Variants in PCDHA1 observed in about 807,000 individuals in gnomAD.
The protein encoded by PCDHA1 is protocadherin alpha 1.
PCDHA1 carries 42 observed loss-of-function variants against 61.3 expected under a neutral mutation model. The ratio of observed to expected loss-of-function variants is 0.69; its 90% CI spans 0.54 to 0.89. PCDHA1 has a LOEUF of 0.89. Among genes scored for constraint, PCDHA1 ranks in the 40% least tolerant of loss-of-function variants. PCDHA1 has a pLI of 0.00. For synonymous variants in PCDHA1, 610 were observed against 553.8 expected, an observed-to-expected ratio of 1.10 and a Z score of -1.43; for missense variants, 1,256 against 1,235.3, an observed-to-expected ratio of 1.02 and a Z score of -0.25.
At chr5:140,870,992 T>C (rs782714479) in intron 1 of PCDHA1, 1 of 1,613,478 alleles carries the variant, frequency 6.2e-7, no homozygotes, top group South Asian at 1.1e-5. Context: ...ACGGGCGAGA[T>C]AAGCACAACG....
intron 1 of PCDHA1, among the ~76,000 whole-genome samples, chr5:140,792,534 A>G (rs782171647): frequency 1.3e-5 from 2 of 152,170 alleles, no homozygotes; most frequent in Non-Finnish European, 2.9e-5. Context: ...ATGTACTTGC[A>G]TATCTGGCAA....
chr5:140,877,743 G>C, intron 1 of PCDHA1: 1 of 1,614,148 alleles, frequency 6.2e-7, no homozygotes, highest in Non-Finnish European at 8.5e-7. Flanking sequence ...GGAGGCAGAG[G>C]GTGTGCTCTG....
chr5:140,829,246 G>T (rs2150164613), intron 1 of PCDHA1: 1 of 1,614,268 alleles, frequency 6.2e-7, no homozygotes, highest in Admixed American at 1.7e-5. Flanking sequence ...ACGGGCAGGT[G>T]AACTGCTCGC....
At chr5:140,863,193 G>A (rs1271562908) in intron 1 of PCDHA1, 15 of 840,280 alleles carry the variant, frequency 1.8e-5, no homozygotes, top group Non-Finnish European at 2.3e-5. Context: ...CCGTGGTGGC[G>A]TCGCTGGCGG....
chr5:140,950,959 T>C (rs969091651), intron 1 of PCDHA1, among the ~76,000 whole-genome samples: 5 of 152,120 alleles, frequency 3.3e-5, no homozygotes, highest in Non-Finnish European at 5.9e-5. Context: ...TCTATTGATC[T>C]ATTTTCAGAT....
At chr5:140,800,975 C>T (rs1273258497) in intron 1 of PCDHA1, 4 of 1,271,942 alleles carry the variant, frequency 3.1e-6, no homozygotes, top group Admixed American at 3.5e-5. Flanking sequence ...GATACGTTTA[C>T]ATATTTAATA....
intron 1 of PCDHA1, chr5:140,828,540 C>G: frequency 6.2e-7 from 1 of 1,614,252 alleles, no homozygotes; most frequent in Non-Finnish European, 8.5e-7. Flanking sequence ...CTGCCAGATT[C>G]TGTGTTTCCA....
intron 1 of PCDHA1, chr5:140,834,744 G>A (rs1554134479): frequency 2.5e-6 from 4 of 1,614,214 alleles, no homozygotes; most frequent in Non-Finnish European, 3.4e-6. Flanking sequence ...CCATGTGGAC[G>A]TGGAGGTGAA....
intron 1 of PCDHA1, chr5:140,927,371 G>GCTACAGCCTAAGCC: frequency 6.2e-7 from 1 of 1,614,080 alleles, no homozygotes; most frequent in Non-Finnish European, 8.5e-7. Context: ...GGGATACTAA[G>GCTACAGCCTAAGCC]CTACAGCCTA....
chr5:140,797,019 C>A (rs782742092), intron 1 of PCDHA1: 1 of 1,613,680 alleles, frequency 6.2e-7, no homozygotes, highest in South Asian at 1.1e-5. Flanking sequence ...CGTGGGTGGG[C>A]GCCGCGGGCT....
At chr5:140,973,492 T>C (rs2096590680) in intron 1 of PCDHA1, among the ~76,000 whole-genome samples, 1 of 152,192 alleles carries the variant, frequency 6.6e-6, no homozygotes, top group African/African-American at 2.4e-5. Context: ...GTCACAGGAC[T>C]CTTCTTCTGA....
intron 1 of PCDHA1, among the ~76,000 whole-genome samples, chr5:140,953,460 G>A (rs1025295552): frequency 1.3e-5 from 2 of 152,116 alleles, no homozygotes; most frequent in Non-Finnish European, 2.9e-5. Context: ...ATCTGTCAGA[G>A]TTTTAACTTC....
At chr5:140,980,507 G>A (rs1274816745) in intron 2 of PCDHA1, among the ~76,000 whole-genome samples, 1 of 152,136 alleles carries the variant, frequency 6.6e-6, no homozygotes, top group African/African-American at 2.4e-5. Flanking sequence ...GCATGTGCCT[G>A]TAGTTCCAGC....
chr5:140,825,544 C>T (rs1554130274), intron 1 of PCDHA1: 1 of 151,620 alleles, frequency 6.6e-6, no homozygotes, highest in African/African-American at 2.4e-5. Context: ...CCTGCCTTAT[C>T]TTCCCAAGTA....
chr5:140,822,226 T>C, intron 1 of PCDHA1: 1 of 1,614,276 alleles, frequency 6.2e-7, no homozygotes, highest in Non-Finnish European at 8.5e-7. Context: ...AGATTCGCGG[T>C]TTCCGCTAGA....
chr5:140,968,859 C>T, intron 1 of PCDHA1: 1 of 1,614,184 alleles, frequency 6.2e-7, no homozygotes, highest in Non-Finnish European at 8.5e-7. Context: ...GTTAAGAGCC[C>T]TCGGACATAC....
chr5:140,815,785 A>G (rs1765793335), intron 1 of PCDHA1: 1 of 152,154 alleles, frequency 6.6e-6, no homozygotes, highest in South Asian at 2.1e-4. Flanking sequence ...GATCACCTTC[A>G]GCTTTTGTTT....
At chr5:140,823,972 C>G (rs140039635) in intron 1 of PCDHA1, 2 of 1,614,108 alleles carry the variant, frequency 1.2e-6, no homozygotes, top group African/African-American at 1.3e-5. Context: ...CGTGTGCACA[C>G]GGGGCAAGCC....
rs1005130215 is a variant in PCDHA1 at position 140,976,643 on chromosome 5, A to G, written c.2395-2306A>G. On this transcript the variant is annotated intron_variant, in intron 1 of 3. Coordinates refer to ENST00000504120, the MANE Select transcript of PCDHA1 (RefSeq NM_018900.4). ...AGCTGAACTCAGCAATCAGACAAGT[A>G]ATTTAATCTCTCCAAAGTTCAGATG... Among the ~76,000 whole-genome samples the G allele has an allele frequency of 2.0e-5, 3 of 152,236 alleles. No homozygotes were observed. In the South Asian group the frequency reaches 6.2e-4, roughly 31 times the overall value.
Sources: allele counts gnomAD v4.1 joint callset (sites outside exome capture counted in the v4.1 genomes callset), GRCh38; gene constraint gnomAD v4.1.1; transcripts MANE v1.5; gene names NCBI Gene and HGNC (gene_info 2026-07-23, HGNC 2026-07-21).